Variants in TBX1 observed in about 807,000 individuals in gnomAD.
TBX1 encodes T-box transcription factor 1, also known as T-box transcription factor TBX1.
A neutral mutation model predicts 40.8 loss-of-function variants in TBX1; 16 were observed. The observed-to-expected ratio is 0.39, with a 90% CI of 0.27 to 0.60. The LOEUF is 0.60. TBX1 is among the 20% of genes least tolerant of loss of function. The pLI, the probability that TBX1 is intolerant of heterozygous loss-of-function variation, is 0.51. For synonymous variants in TBX1, 403 were observed against 336.8 expected, an observed-to-expected ratio of 1.20 and a Z score of -2.15; for missense variants, 755 against 728.5, an observed-to-expected ratio of 1.04 and a Z score of -0.42.
chr22:19,769,343 G>A (rs955306829), downstream of TBX1, among the ~76,000 whole-genome samples: 30 of 152,202 alleles, frequency 2.0e-4, no homozygotes, highest in African/African-American at 6.3e-4. Context: ...CACAGGCCGC[G>A]GGTCACCACA....
At chr22:19,766,126 G>T in intron 6 of TBX1, 124 bp downstream of exon 6, 1 of 909,190 alleles carries the variant, frequency 1.1e-6, no homozygotes. Context: ...TTGCACAACG[G>T]CCGCGGCGGC....
intron 4 of TBX1, among the ~76,000 whole-genome samples, chr22:19,765,383 T>C (rs1167635199): frequency 6.6e-6 from 1 of 152,018 alleles, no homozygotes; most frequent in Non-Finnish European, 1.5e-5. Context: ...TTCCGGAAAC[T>C]CCCCATCAGG....
In TBX1 at chr22:19,765,069, G is replaced by C. The variant is rs144848597; in HGVS notation, c.823G>C (p.Glu275Gln). 3.7e-6 allele frequency: 6 copies of C among 1,614,100 alleles called. No individual in the cohort carries two copies. The East Asian group carries it at 8.9e-5, about 24-fold the overall frequency. ...AEENFKTFVFEETRFTAVTAY... is the reference protein window; with the variant it reads ...AEENFKTFVFQETRFTAVTAY... ...GGAGAACTTCAAAACCTTTGTGTTC[G>C]AGGAGACACGATTCACCGCGGTCAC... Residue 275 changes from glutamate (E) to glutamine (Q), a missense_variant, in exon 4 of 7, where the codon GAG becomes CAG. Glu to Gln is a conservative substitution (Grantham distance 29). Transcript: ENST00000649276.
rs886038791 is a variant in TBX1, at chr22:19,760,999, C to CCCG, written c.170_172dup (p.Pro57dup). On this transcript the variant is annotated inframe_insertion, in exon 1 of 7. Transcript: ENST00000649276. ...CCGACCCGTACGGCCCGCGCGAGCCCCCGCCGCCGCCGCCGCGCTACGACC... is the reference window on the plus strand; with the variant it reads ...CCGACCCGTACGGCCCGCGCGAGCCCCCGCCGCCGCCGCCGCCGCGCTACGACC... 7.2e-5 allele frequency: 67 copies of CCCG among 933,994 alleles called. No individual in the cohort carries two copies. Among genetic ancestry groups the CCCG allele is most frequent in the Middle Eastern group, 5.4e-4 (1 of 1,850 alleles). 57.9% of individuals were successfully genotyped at this position (933,994 alleles called of 1,614,324 possible). A position where few individuals can be genotyped will look rare whatever the true frequency, so the allele number is the denominator to read the frequency against.
chr22:19,757,656 ACCAGCAT>A (rs1268245481), upstream of TBX1, among the ~76,000 whole-genome samples: 1 of 152,032 alleles, frequency 6.6e-6, no homozygotes, highest in Non-Finnish European at 1.5e-5. Context: ...ATCTGCGGCC[ACCAGCAT>A]CCCTACCACC....
upstream of TBX1, among the ~76,000 whole-genome samples, chr22:19,757,017 C>G (rs1936502020): frequency 6.6e-6 from 1 of 152,146 alleles, no homozygotes; most frequent in African/African-American, 2.4e-5. Context: ...GGCGGCGGCT[C>G]CGGCTGGAGG....
intron 2 of TBX1, chr22:19,763,811 C>T (rs1211105690): frequency 4.1e-6 from 2 of 485,924 alleles, no homozygotes; most frequent in Non-Finnish European, 7.4e-6. Context: ...GCGCACTGCC[C>T]TGTGCCTGAG....
chr22:19,778,269 T>A (rs1233917932), intron 8 of TBX1, among the ~76,000 whole-genome samples: 2 of 151,332 alleles, frequency 1.3e-5, no homozygotes, highest in Non-Finnish European at 2.9e-5. Flanking sequence ...TTTTTTGATG[T>A]TGTTGTTGTT....
chr22:19,764,431 C>T, intron 3 of TBX1, 105 bp downstream of exon 3: 2 of 1,468,658 alleles, frequency 1.4e-6, no homozygotes, highest in Non-Finnish European at 1.9e-6. Context: ...CCCGGCTGTC[C>T]CCAGGCGGCT....
intron 1 of TBX1, among the ~76,000 whole-genome samples, chr22:19,761,852 T>C (rs72646957): frequency 2.0e-5 from 3 of 152,238 alleles, no homozygotes; most frequent in African/African-American, 4.8e-5. Context: ...ATCCCTATAG[T>C]TGTGGGGCCT....
upstream of TBX1, among the ~76,000 whole-genome samples, chr22:19,759,963 G>T (rs41298790): frequency 0.014 from 2,152 of 152,346 alleles, 31 homozygotes; most frequent in South Asian, 0.039. Context: ...CCTGGAGAGG[G>T]GGGAGGAAAG....
chr22:19,769,861 T>C (rs41299934), downstream of TBX1, among the ~76,000 whole-genome samples: 23,445 of 152,266 alleles, frequency 0.15, 2,271 homozygotes, highest in South Asian at 0.34. Context: ...GAAATAACTG[T>C]CCATTGTTGA....
intron 3 of TBX1, 138 bp downstream of exon 3, chr22:19,764,464 CT>C: frequency 1.8e-6 from 2 of 1,102,378 alleles, no homozygotes; most frequent in Non-Finnish European, 2.7e-6. Flanking sequence ...CGAGGAGGCC[CT>C]TTAGAGTCCC....
rs920121795 is a variant in TBX1, at chr22:19,767,324, C to T, written c.*457C>T. ...GCGCCGACTTGATAAACGGTTTCGC[C>T]TCTTTTGGAAGCCGCCTGCGTGTCC... On this transcript the variant is annotated 3_prime_UTR_variant, in exon 7 of 7. Transcript: ENST00000649276. 1 of 989,852 alleles carries T rather than the reference C, an allele frequency of 1.0e-6. No homozygotes were observed. The highest frequency in any genetic ancestry group is 1.2e-6 in the Non-Finnish European group (1 of 832,902). The allele number at this position is 989,852 out of a possible 1,614,324, so 61.3% of individuals were successfully genotyped here.
chr22:19,766,533 T>G lies in TBX1; in HGVS notation c.1181T>G (p.Leu394Arg). Reference protein sequence around the residue: ...GAGGAGGLVPLPGAPGGRPSP... With the variant: ...GAGGAGGLVPRPGAPGGRPSP... ...GGCGGCGCCGGCGGCTTAGTCCCGC[T>G]GCCCGGCGCGCCCGGAGGCCGGCCC... Residue 394 changes from leucine (L) to arginine (R), a missense_variant, in exon 7 of 7, where the codon CTG becomes CGG. By Grantham distance (102) the Leu-to-Arg change is moderately radical. Around this residue, in one of 3 missense-constraint regions of TBX1, gnomAD observed 412 missense variants for 317.6 expected, o/e 1.30. Transcript: ENST00000649276. 1 of 1,342,834 alleles carries G rather than the reference T, an allele frequency of 7.4e-7. No individual in the cohort carries two copies. The highest frequency in any genetic ancestry group is 9.5e-7 in the Non-Finnish European group (1 of 1,051,770). The allele number at this position is 1,342,834 out of a possible 1,614,324, so 83.2% of individuals were successfully genotyped here. A position where few individuals can be genotyped will look rare whatever the true frequency, so the allele number is the denominator to read the frequency against.
downstream of TBX1, among the ~76,000 whole-genome samples, chr22:19,770,914 G>A (rs918853662): frequency 6.6e-6 from 1 of 152,188 alleles, no homozygotes; most frequent in African/African-American, 2.4e-5. Flanking sequence ...GGCACCAGGG[G>A]AGAGCATGTG....
At chr22:19,772,909 G>T (rs1022898908) in intron 8 of TBX1, among the ~76,000 whole-genome samples, 2 of 152,190 alleles carry the variant, frequency 1.3e-5, no homozygotes, top group African/African-American at 4.8e-5. Flanking sequence ...CCGCCTTTGT[G>T]ATAAGGGACA....
rs61730282 is a variant in TBX1 at position 19,765,086 on chromosome 22, C to T, written c.840C>T (p.Thr280=). The change falls in exon 4 of 7, where the codon ACC becomes ACT. Residue 280 remains threonine (T), a synonymous_variant. Coordinates refer to ENST00000649276, the MANE Select transcript of TBX1 (RefSeq NM_001379200.1). ...KTFVFEETRF[T]AVTAYQNHRI... ...TTGTGTTCGAGGAGACACGATTCAC[C>T]GCGGTCACTGCCTACCAGAACCATC... 6.3e-4 allele frequency: 1,018 copies of T among 1,614,204 alleles called. 2 individuals are homozygous for T. Among genetic ancestry groups the T allele is most frequent in the Middle Eastern group, 3.5e-3 (21 of 6,062 alleles).
At chr22:19,762,262 G>A (rs946297358) in intron 1 of TBX1, among the ~76,000 whole-genome samples, 6 of 152,372 alleles carry the variant, frequency 3.9e-5, no homozygotes, top group African/African-American at 1.2e-4. Flanking sequence ...GGGAGCCCAC[G>A]TCCCGCAGCA....
Sources: allele counts gnomAD v4.1 joint callset (sites outside exome capture counted in the v4.1 genomes callset), GRCh38; gene constraint gnomAD v4.1.1; regional missense constraint gnomAD v4.1.1; transcripts MANE v1.5; gene names NCBI Gene and HGNC (gene_info 2026-07-23, HGNC 2026-07-21).